COL24A1: variants seen among roughly 807,000 people sequenced by gnomAD.
COL24A1 encodes collagen type XXIV alpha 1 chain.
In COL24A1, 224 loss-of-function variants were observed where a neutral mutation model predicts 253.9. That is an observed-to-expected ratio of 0.88 (90% CI 0.79 to 0.99). The LOEUF is 0.99. COL24A1 is among the 50% of genes least tolerant of loss of function. The pLI is 0.00. For missense variants in COL24A1, 2,131 were observed against 2,068.5 expected (o/e 1.03, Z -0.59); for synonymous variants, 685 against 673.7 (o/e 1.02, Z -0.26).
rs187318881 is a variant in COL24A1, at chr1:86,149,097, G to A, written c.57-2914C>T. On this transcript the variant is annotated intron_variant, in intron 1 of 59. Coordinates refer to ENST00000370571, the MANE Select transcript of COL24A1 (RefSeq NM_152890.7). ...TTTAGTAGAGACAGAGTTTCACCAT[G>A]TTGGCCAGGCTGGTCTCGAACTCCT... is the stretch of plus-strand genomic sequence containing the variant. Among the ~76,000 whole-genome samples the A allele has an allele frequency of 8.5e-5, 13 of 152,270 alleles. No individual in the cohort carries two copies. The East Asian group carries it at 2.3e-3, about 27-fold the overall frequency.
intron 7 of COL24A1, among the ~76,000 whole-genome samples, chr1:86,080,921 C>T (rs569147916): frequency 2.1e-4 from 32 of 152,186 alleles, no homozygotes; most frequent in African/African-American, 6.0e-4. Context: ...AATAACTGTG[C>T]AAGCTGAAAT....
chr1:86,008,968 T>C (rs772051020), intron 19 of COL24A1, among the ~76,000 whole-genome samples: 3 of 126,702 alleles, frequency 2.4e-5, no homozygotes, highest in South Asian at 2.4e-4. Flanking sequence ...AACACAAAAA[T>C]AGATCTGAAC....
chr1:85,995,402 A>G (rs1694689557), intron 19 of COL24A1, among the ~76,000 whole-genome samples: 1 of 152,168 alleles, frequency 6.6e-6, no homozygotes, highest in Non-Finnish European at 1.5e-5. Flanking sequence ...CAGTGTTTTT[A>G]ACATCACTTT....
chr1:85,818,009 A>G (rs543731682), intron 46 of COL24A1, 25 bp downstream of exon 46: 6 of 1,608,536 alleles, frequency 3.7e-6, no homozygotes, highest in East Asian at 4.5e-5. Flanking sequence ...AAAAGCAAGA[A>G]AGATGAAAGA....
chr1:86,125,713 A>G lies in COL24A1; in HGVS notation c.623T>C (p.Met208Thr). The G allele has an allele frequency of 1.2e-6, 2 of 1,610,324 alleles. No individual in the cohort carries two copies. The highest frequency in any genetic ancestry group is 1.7e-6 in the Non-Finnish European group (2 of 1,177,866). ...TTCAAAATGGATAGAATTATTATTC[A>G]TACTTCCTAAAGTAAACACACTATT... Reference protein sequence around the residue: ...DSNSVFTLGSMNNNSIHFEGI... With the variant: ...DSNSVFTLGSTNNNSIHFEGI... Residue 208 changes from methionine (M) to threonine (T), a missense_variant, in exon 3 of 60, where the codon ATG becomes ACG. Coordinates refer to ENST00000370571, the MANE Select transcript of COL24A1 (RefSeq NM_152890.7).
chr1:85,990,565 C>T (rs1482245213), intron 19 of COL24A1, among the ~76,000 whole-genome samples: 1 of 152,188 alleles, frequency 6.6e-6, no homozygotes, highest in Non-Finnish European at 1.5e-5. Context: ...CAGCCCAGTT[C>T]CTAACAGGTC....
intron 37 of COL24A1, among the ~76,000 whole-genome samples, chr1:85,854,709 T>C (rs1678222199): frequency 7.0e-6 from 1 of 142,828 alleles, no homozygotes; most frequent in Non-Finnish European, 1.6e-5. Context: ...TCCTAGGTTT[T>C]TGTTTTTTTT....
At chr1:85,915,768 C>T (rs1685835892) in intron 24 of COL24A1, among the ~76,000 whole-genome samples, 1 of 152,162 alleles carries the variant, frequency 6.6e-6, no homozygotes. Context: ...CCTGCCTCAG[C>T]CTCCTGAGTA....
rs78818816 is a variant in COL24A1, at chr1:85,804,289, G to A, written c.3951+12499C>T. ...AGAGGGAAGATACAGGTAGTGATAC[G>A]TTCAACAAATCAATAGATTTAAATA... is the stretch of plus-strand genomic sequence containing the variant. On this transcript the variant is annotated intron_variant, in intron 47 of 59. Transcript: ENST00000370571. Among the ~76,000 whole-genome samples the A allele has an allele frequency of 4.9e-3, 745 of 152,226 alleles. 3 individuals are homozygous for A. Among genetic ancestry groups the A allele is most frequent in the African/African-American group, 0.017 (693 of 41,538 alleles).
chr1:85,833,978 A>AGGGGGGGGGGGGGGGGGGGG (rs565656188), intron 43 of COL24A1, among the ~76,000 whole-genome samples: 1 of 85,506 alleles, frequency 1.2e-5, no homozygotes. Flanking sequence ...GGGTGGGGGG[A>AGGGGGGGGGGGGGGGGGGGG]GGGGGAAGGG....
At chr1:85,825,267 G>A (rs1448981744) in intron 43 of COL24A1, among the ~76,000 whole-genome samples, 1 of 151,924 alleles carries the variant, frequency 6.6e-6, no homozygotes, top group Non-Finnish European at 1.5e-5. Context: ...CATTTTTTAT[G>A]GCTGCATAGT....
Position 86,066,231 on chromosome 1 carries a change from CTTT to C in COL24A1, c.1708-2475_1708-2473del, listed in dbSNP as rs71078637. ...TTTTCCTTGAAATATCCTAAGTCTC[CTTT>C]TTTTTTTTTTTTTTTTTTTTTTGAG... On this transcript the variant is annotated intron_variant, in intron 7 of 59. Coordinates refer to ENST00000370571, the MANE Select transcript of COL24A1 (RefSeq NM_152890.7). Among the ~76,000 whole-genome samples, 212 of 85,514 alleles carry C rather than the reference CTTT, an allele frequency of 2.5e-3. 1 individual carries two copies. Among genetic ancestry groups the C allele is most frequent in the Middle Eastern group, 0.011 (1 of 92 alleles). 56.1% of individuals were successfully genotyped at this position (85,514 alleles called of 152,430 possible).
At chr1:85,777,209 A>C (rs184340) in intron 52 of COL24A1, among the ~76,000 whole-genome samples, 1 of 151,700 alleles carries the variant, frequency 6.6e-6, no homozygotes, top group Admixed American at 6.6e-5. Flanking sequence ...CAGCCTCCCA[A>C]AGTGCTGAGA....
chr1:86,113,245 ATT>A (rs1401734608), intron 4 of COL24A1, among the ~76,000 whole-genome samples: 1 of 152,104 alleles, frequency 6.6e-6, no homozygotes, highest in African/African-American at 2.4e-5. Context: ...CAAGGTTATT[ATT>A]TTTACTCCCA....
At chr1:86,155,760 G>A (rs1653494678) in intron 1 of COL24A1, 1 of 152,386 alleles carries the variant, frequency 6.6e-6, no homozygotes, top group Non-Finnish European at 1.5e-5. Context: ...TAACCAGAGG[G>A]GATTGCCTCT....
intron 39 of COL24A1, 131 bp from the exon 40 acceptor site, chr1:85,842,524 G>T: frequency 3.2e-6 from 2 of 630,406 alleles, no homozygotes; most frequent in Admixed American, 3.5e-5. Context: ...GTTTGAAATA[G>T]GAAAGCAAAA....
Position 85,827,420 on chromosome 1 carries a change from T to A in COL24A1, c.3682-3682A>T, listed in dbSNP as rs1034627751. Reference sequence around the variant, plus strand: ...GTTGTGTCTCTGCCCGGCTTTGGTATCAGGATGATGCTGGCCTCATAAAAT... The same window carrying A: ...GTTGTGTCTCTGCCCGGCTTTGGTAACAGGATGATGCTGGCCTCATAAAAT... On this transcript the variant is annotated intron_variant, in intron 43 of 59. Transcript: ENST00000370571. 8.7e-4 allele frequency among the ~76,000 whole-genome samples: 132 copies of A among 151,834 alleles called. 1 individual carries two copies. The highest frequency in any genetic ancestry group is 3.4e-3 in the Middle Eastern group (1 of 294).
At chr1:85,734,317 T>C (rs540581243) in intron 59 of COL24A1, among the ~76,000 whole-genome samples, 89 of 152,310 alleles carry the variant, frequency 5.8e-4, no homozygotes, top group Middle Eastern at 6.8e-3. Context: ...ATTGACAGAA[T>C]GAAATAAAAC....
chr1:85,999,196 ACTTTATTGC>A (rs1159714231), intron 19 of COL24A1, among the ~76,000 whole-genome samples: 1 of 152,172 alleles, frequency 6.6e-6, no homozygotes, highest in Non-Finnish European at 1.5e-5. Context: ...ATGGTCCTCC[ACTTTATTGC>A]CTGTTTAGAG....
Sources: gnomAD v4.1 joint callset for allele counts (sites outside exome capture counted in the v4.1 genomes callset) on GRCh38, gnomAD v4.1.1 for gene constraint, MANE v1.5 for transcripts, NCBI Gene and HGNC (gene_info 2026-07-23, HGNC 2026-07-21) for gene names.